MACROD2: variants seen among roughly 807,000 people sequenced by gnomAD.
MACROD2 encodes the protein mono-ADP ribosylhydrolase 2.
A neutral mutation model predicts 70.4 loss-of-function variants in MACROD2; 36 were observed. The ratio of observed to expected loss-of-function variants is 0.51; its 90% CI spans 0.39 to 0.68. MACROD2 has a LOEUF of 0.68. Ranked by LOEUF, MACROD2 falls within the 30% of genes least tolerant of loss-of-function variation. The pLI, the probability that MACROD2 is intolerant of heterozygous loss-of-function variation, is 0.00. For synonymous variants in MACROD2, 172 were observed against 178.8 expected, an observed-to-expected ratio of 0.96 and a Z score of 0.30; for missense variants, 496 against 538.4, an observed-to-expected ratio of 0.92 and a Z score of 0.78.
At chr20:15,996,315 A>G (rs1030429075) in intron 15 of MACROD2, among the ~76,000 whole-genome samples, 1 of 152,122 alleles carries the variant, frequency 6.6e-6, no homozygotes, top group African/African-American at 2.4e-5. Context: ...TCTTTGGAAA[A>G]ATGTCTACTG....
chr20:15,296,976 C>A (rs192564690), intron 6 of MACROD2, among the ~76,000 whole-genome samples: 2 of 152,242 alleles, frequency 1.3e-5, no homozygotes, highest in South Asian at 4.1e-4. Context: ...TTTTTCCCAG[C>A]GTAGTAAATT....
intron 6 of MACROD2, among the ~76,000 whole-genome samples, chr20:15,323,187 A>C (rs1458738633): frequency 6.6e-6 from 1 of 152,202 alleles, no homozygotes; most frequent in Non-Finnish European, 1.5e-5. Context: ...TCTTCTTGAC[A>C]AACAGCCAAA....
chr20:15,315,963 A>G (rs1600232859), intron 6 of MACROD2, among the ~76,000 whole-genome samples: 1 of 152,130 alleles, frequency 6.6e-6, no homozygotes, highest in Non-Finnish European at 1.5e-5. Context: ...CTTTTTATCT[A>G]TTGAAGCTAA....
chr20:15,963,950 C>A (rs1359078880), intron 12 of MACROD2, among the ~76,000 whole-genome samples: 1 of 152,024 alleles, frequency 6.6e-6, no homozygotes, highest in East Asian at 1.9e-4. Context: ...TGAAAAAATT[C>A]TTTAAATATG....
At chr20:14,784,673 G>A (rs865863570) in intron 5 of MACROD2, among the ~76,000 whole-genome samples, 1 of 121,226 alleles carries the variant, frequency 8.2e-6, no homozygotes, top group African/African-American at 3.5e-5. Context: ...TTAAGTGGGG[G>A]GGGGGGGGCA....
chr20:15,238,973 A>G (rs1183684044), intron 6 of MACROD2, among the ~76,000 whole-genome samples: 1 of 152,144 alleles, frequency 6.6e-6, no homozygotes, highest in Non-Finnish European at 1.5e-5. Flanking sequence ...GCAAGCTTTC[A>G]TCTTGAGTGC....
chr20:14,276,554 C>T (rs1198984804), intron 3 of MACROD2, among the ~76,000 whole-genome samples: 2 of 150,588 alleles, frequency 1.3e-5, no homozygotes, highest in Admixed American at 1.3e-4. Flanking sequence ...GTGCAGCACA[C>T]CAGCATGGCA....
chr20:14,097,612 ACT>A (rs1268079755), intron 3 of MACROD2, among the ~76,000 whole-genome samples: 1 of 152,134 alleles, frequency 6.6e-6, no homozygotes, highest in African/African-American at 2.4e-5. Flanking sequence ...TGGCCAAATA[ACT>A]CTGACAAATT....
chr20:15,151,300 C>T (rs567109381), intron 5 of MACROD2, among the ~76,000 whole-genome samples: 3 of 152,128 alleles, frequency 2.0e-5, no homozygotes, highest in East Asian at 3.9e-4. Flanking sequence ...GTAGCAAGCT[C>T]CTGGGGGAGG....
intron 5 of MACROD2, chr20:14,757,759 C>T: frequency 6.5e-7 from 1 of 1,534,692 alleles, no homozygotes; most frequent in East Asian, 2.3e-5. Context: ...GGAGACATTT[C>T]TACTGGTACC....
At chr20:15,309,760 A>G (rs2077732940) in intron 6 of MACROD2, among the ~76,000 whole-genome samples, 1 of 152,190 alleles carries the variant, frequency 6.6e-6, no homozygotes, top group Non-Finnish European at 1.5e-5. Flanking sequence ...GGAGAAAAGA[A>G]CGATTTATTC....
chr20:15,322,439 G>A (rs1004866653), intron 6 of MACROD2, among the ~76,000 whole-genome samples: 1 of 143,614 alleles, frequency 7.0e-6, no homozygotes, highest in Non-Finnish European at 1.6e-5. Flanking sequence ...CTGAAAATGT[G>A]AGCCTCAAAA....
At chr20:14,234,871 T>A (rs2081854489) in intron 3 of MACROD2, among the ~76,000 whole-genome samples, 1 of 152,262 alleles carries the variant, frequency 6.6e-6, no homozygotes, top group Non-Finnish European at 1.5e-5. Flanking sequence ...CTTCACTATT[T>A]GCTCATTGTT....
intron 3 of MACROD2, among the ~76,000 whole-genome samples, chr20:14,140,260 A>G (rs566169889): frequency 1.1e-4 from 16 of 152,348 alleles, no homozygotes; most frequent in African/African-American, 3.8e-4. Context: ...TACAGAGTAG[A>G]TGTTCAGAAT....
At chr20:14,219,118 C>T (rs898701431) in intron 3 of MACROD2, among the ~76,000 whole-genome samples, 6 of 152,158 alleles carry the variant, frequency 3.9e-5, no homozygotes, top group African/African-American at 1.4e-4. Flanking sequence ...GATTATTCCC[C>T]CAAATATGTT....
chr20:14,344,700 T>C (rs564522793), intron 3 of MACROD2, among the ~76,000 whole-genome samples: 1 of 152,246 alleles, frequency 6.6e-6, no homozygotes, highest in Non-Finnish European at 1.5e-5. Flanking sequence ...TATAGTTTAA[T>C]GAGCTTTCAT....
intron 5 of MACROD2, among the ~76,000 whole-genome samples, chr20:14,721,250 A>T (rs188162077): frequency 1.4e-5 from 2 of 139,180 alleles, no homozygotes; most frequent in East Asian, 4.1e-4. Flanking sequence ...GCAAGACCCC[A>T]TCTCAAAAAA....
chr20:14,248,451 C>G (rs2081984898), intron 3 of MACROD2, among the ~76,000 whole-genome samples: 2 of 152,214 alleles, frequency 1.3e-5, no homozygotes, highest in Non-Finnish European at 2.9e-5. Flanking sequence ...GGTGTGGTGG[C>G]ACATGCCTGT....
intron 5 of MACROD2, among the ~76,000 whole-genome samples, chr20:14,818,300 A>G (rs1037212001): frequency 6.6e-6 from 1 of 152,022 alleles, no homozygotes; most frequent in African/African-American, 2.4e-5. Flanking sequence ...CATTTACTCC[A>G]TCTATGGGAA....
Sources: allele counts gnomAD v4.1 joint callset (sites outside exome capture counted in the v4.1 genomes callset), GRCh38; gene constraint gnomAD v4.1.1; transcripts MANE v1.5; gene names NCBI Gene and HGNC (gene_info 2026-07-23, HGNC 2026-07-21).